Variants in ABCA1 observed in about 807,000 individuals in gnomAD.
The protein encoded by ABCA1 is phospholipid-transporting ATPase ABCA1.
ABCA1 carries 133 observed loss-of-function variants against 262.5 expected under a neutral mutation model. The observed-to-expected ratio is 0.51, with a 90% CI of 0.44 to 0.59. The LOEUF (loss-of-function observed/expected upper bound fraction) is 0.59, where lower values mean the gene tolerates loss of function less well. Among genes scored for constraint, ABCA1 ranks in the 20% least tolerant of loss-of-function variants. ABCA1 has a pLI of 0.00. For synonymous variants in ABCA1, 1,022 were observed against 1,043.5 expected (o/e 0.98, Z 0.40); for missense variants, 2,452 against 2,777.5 (o/e 0.88, Z 2.63).
chr9:104,924,419 G>A (rs1842310850), intron 1 of ABCA1, among the ~76,000 whole-genome samples: 1 of 152,060 alleles, frequency 6.6e-6, no homozygotes, highest in Non-Finnish European at 1.5e-5. Flanking sequence ...AGACCAGCCT[G>A]GCCAACATGG....
rs774046285 is a variant in ABCA1 at position 104,793,175 on chromosome 9, G to T, written c.5632C>A (p.Pro1878Thr). 8.7e-6 allele frequency: 14 copies of T among 1,613,926 alleles called. No homozygotes were observed. The African/African-American group carries it at 1.7e-4, about 20-fold the overall frequency. ...GGGTTCTAAGAAAAAGCTCACCTGG[G>T]CCTGATGAAGAATCTGTACTGGATC... ...VLIQYRFFIRPRPVNAKLSPL... is the reference protein window; with the variant it reads ...VLIQYRFFIRTRPVNAKLSPL... The change falls in exon 41 of 50, where the codon CCC (proline) becomes ACC (threonine). Residue 1878 changes from proline (P) to threonine (T), a missense_variant. Transcript: ENST00000374736.
chr9:104,794,239 G>A (rs940404709), intron 40 of ABCA1, 148 bp downstream of exon 40: 89 of 1,222,878 alleles, frequency 7.3e-5, no homozygotes, highest in Non-Finnish European at 1.8e-5. Context: ...AACCAGCTGT[G>A]TTGGCATGAG....
chr9:104,883,242 G>C (rs2119173059), intron 4 of ABCA1, 85 bp from the exon 5 acceptor site: 1 of 1,221,624 alleles, frequency 8.2e-7, no homozygotes, highest in South Asian at 1.2e-5. Context: ...CAAGTGCATA[G>C]AACTCAGCCT....
intron 1 of ABCA1, among the ~76,000 whole-genome samples, chr9:104,912,336 C>T (rs1031881539): frequency 1.3e-5 from 2 of 152,142 alleles, no homozygotes; most frequent in Admixed American, 6.5e-5. Flanking sequence ...GAGTTTGAGG[C>T]TGCAGTGAGT....
At chr9:104,893,055 A>G (rs973772219) in intron 2 of ABCA1, among the ~76,000 whole-genome samples, 5 of 152,204 alleles carry the variant, frequency 3.3e-5, no homozygotes. Context: ...AGCTGAATAA[A>G]ATCACTTATA....
chr9:104,867,112 C>T (rs1208715065), intron 5 of ABCA1, among the ~76,000 whole-genome samples: 1 of 152,184 alleles, frequency 6.6e-6, no homozygotes, highest in African/African-American at 2.4e-5. Context: ...TGAAGCAGGA[C>T]ATGAACTTGA....
chr9:104,882,738 A>C (rs1421072157), intron 5 of ABCA1, among the ~76,000 whole-genome samples: 1 of 152,258 alleles, frequency 6.6e-6, no homozygotes, highest in Non-Finnish European at 1.5e-5. Flanking sequence ...TTCAGAAAAA[A>C]TGCAGTTGGC....
chr9:104,867,800 C>A (rs186168499), intron 5 of ABCA1, among the ~76,000 whole-genome samples: 340 of 152,292 alleles, frequency 2.2e-3, no homozygotes, highest in African/African-American at 7.5e-3. Context: ...TCATTCCACA[C>A]AAGACAGGGA....
chr9:104,815,402 C>T (rs1222121414), intron 25 of ABCA1, among the ~76,000 whole-genome samples: 1 of 152,138 alleles, frequency 6.6e-6, no homozygotes, highest in African/African-American at 2.4e-5. Flanking sequence ...AGCTTGGAGA[C>T]CACTTGGCCA....
chr9:104,819,476 A>AG (rs1389347277), intron 22 of ABCA1, 110 bp downstream of exon 22: 1 of 1,463,540 alleles, frequency 6.8e-7, no homozygotes, highest in Non-Finnish European at 9.5e-7. Context: ...TGATAACAGA[A>AG]GAGTATCCCA....
At chr9:104,831,906 G>A (rs1833369377) in intron 12 of ABCA1, 79 bp from the exon 13 acceptor site, 2 of 1,294,276 alleles carry the variant, frequency 1.5e-6, no homozygotes, top group South Asian at 2.4e-5. Context: ...TACACTAGGA[G>A]GCAAGGGCTG....
chr9:104,920,796 C>T lies in ABCA1; in HGVS notation c.-93+7139G>A, dbSNP rs185357323. On this transcript the variant is annotated intron_variant, in intron 1 of 49. Coordinates refer to ENST00000374736, the MANE Select transcript of ABCA1 (RefSeq NM_005502.4). Reference sequence around the variant, plus strand: ...AAGTGCTGGAATTATAGGCAGAAGCCATCGCGCCCGGCCTAAAGCAAGCTT... The same window carrying T: ...AAGTGCTGGAATTATAGGCAGAAGCTATCGCGCCCGGCCTAAAGCAAGCTT... Among the ~76,000 whole-genome samples the T allele has an allele frequency of 2.5e-3, 383 of 152,334 alleles. 1 individual carries two copies. The highest frequency in any genetic ancestry group is 8.6e-3 in the African/African-American group (359 of 41,582).
chr9:104,833,642 C>T (rs1833543554), intron 11 of ABCA1, among the ~76,000 whole-genome samples: 3 of 152,314 alleles, frequency 2.0e-5, no homozygotes, highest in Admixed American at 2.0e-4. Context: ...GTTCTATCAC[C>T]TTCCTCTTTT....
chr9:104,841,336 A>G (rs1383046256), intron 8 of ABCA1, among the ~76,000 whole-genome samples: 3 of 152,080 alleles, frequency 2.0e-5, no homozygotes, highest in African/African-American at 4.8e-5. Context: ...GCTACTGGGG[A>G]GGCTGAGGCA....
At chr9:104,836,525 A>G (rs1358507115) in intron 11 of ABCA1, among the ~76,000 whole-genome samples, 2 of 152,206 alleles carry the variant, frequency 1.3e-5, no homozygotes, top group Non-Finnish European at 2.9e-5. Flanking sequence ...TTTCCCCTCC[A>G]CACAGTAACA....
At chr9:104,808,965 C>T (rs1053485732) in intron 30 of ABCA1, among the ~76,000 whole-genome samples, 2 of 152,174 alleles carry the variant, frequency 1.3e-5, no homozygotes, top group Non-Finnish European at 2.9e-5. Flanking sequence ...TTATCCACTG[C>T]TTACTTTTTA....
intron 24 of ABCA1, 63 bp from the exon 25 acceptor site, chr9:104,816,408 G>A: frequency 1.3e-6 from 2 of 1,511,122 alleles, no homozygotes; most frequent in Non-Finnish European, 1.8e-6. Flanking sequence ...GTGAGGGCTG[G>A]CCATCCCCCA....
In ABCA1 at chr9:104,858,785, A is replaced by G. The variant is rs895702170; in HGVS notation, c.544-87T>C. 6.9e-6 allele frequency: 9 copies of G among 1,308,294 alleles called. 1 individual carries two copies. In the East Asian group the frequency reaches 6.9e-5, roughly 10 times the overall value. 81.0% of individuals were successfully genotyped at this position (1,308,294 alleles called of 1,614,324 possible). On this transcript the variant is annotated intron_variant, in intron 6 of 49. Coordinates refer to ENST00000374736, the MANE Select transcript of ABCA1 (RefSeq NM_005502.4). ...TCCTTGAAGTCTTTTGGAGAACTTC[A>G]TATCAATACAGCTTTGAAGATCTTA... is the stretch of plus-strand genomic sequence containing the variant.
intron 24 of ABCA1, 28 bp from the exon 25 acceptor site, chr9:104,816,373 T>C: frequency 1.2e-6 from 2 of 1,608,040 alleles, no homozygotes; most frequent in South Asian, 1.1e-5. Flanking sequence ...CAAAGATGGC[T>C]CAATCAACTC....
Sources: gnomAD v4.1 joint callset for allele counts (sites outside exome capture counted in the v4.1 genomes callset) on GRCh38, gnomAD v4.1.1 for gene constraint, MANE v1.5 for transcripts, NCBI Gene and HGNC (gene_info 2026-07-23, HGNC 2026-07-21) for gene names.